GALNT16: variants seen among roughly 807,000 people sequenced by gnomAD.
The protein encoded by GALNT16 is UDP-GalNAc:polypeptide N-acetylgalactosaminyltransferase-like protein 1.
In GALNT16, 40 loss-of-function variants were observed where a neutral mutation model predicts 76.1. That is an observed-to-expected ratio of 0.53 (90% CI 0.41 to 0.68). GALNT16 has a LOEUF of 0.68. GALNT16 is among the 30% of genes least tolerant of loss of function. The pLI is 0.00. For missense variants in GALNT16, 621 were observed against 731.9 expected (o/e 0.85, Z 1.75); for synonymous variants, 276 against 285.2 (o/e 0.97, Z 0.32).
At chr14:69,311,170 G>C (rs1226260984) in intron 1 of GALNT16, among the ~76,000 whole-genome samples, 1 of 152,164 alleles carries the variant, frequency 6.6e-6, no homozygotes, top group Non-Finnish European at 1.5e-5. Context: ...CCAAGATCAA[G>C]GCACCAGCAG....
chr14:69,331,595 G>A, intron 7 of GALNT16, 44 bp downstream of exon 7: 2 of 1,146,302 alleles, frequency 1.7e-6, no homozygotes, highest in Non-Finnish European at 2.7e-6. Context: ...ATGAAAGGAG[G>A]TAGGTGAGGC....
intron 1 of GALNT16, 30 bp downstream of exon 1, chr14:69,260,497 G>T: frequency 7.5e-7 from 1 of 1,338,108 alleles, no homozygotes; most frequent in Non-Finnish European, 9.5e-7. Context: ...CGGCCGGCCG[G>T]CTAGGGAGCC....
At chr14:69,262,819 C>T (rs1356654125) in intron 1 of GALNT16, among the ~76,000 whole-genome samples, 3 of 152,106 alleles carry the variant, frequency 2.0e-5, no homozygotes, top group Non-Finnish European at 2.9e-5. Context: ...GTGATGCATG[C>T]GGGAACTGTG....
At position 69,260,232 on chromosome 14, in the gene GALNT16, G is replaced by T; in HGVS notation, c.-59G>T. The stretch of plus-strand genomic sequence containing the variant: ...AACAGCTGGGGCTGCGAGCGCCCCC[G>T]CCCCGGCCCCGAGAGCACGCCGGCC... On this transcript the variant is annotated 5_prime_UTR_variant, in exon 1 of 15. Transcript: ENST00000448469. 8.1e-7 allele frequency: 1 copy of T among 1,237,644 alleles called. No homozygotes were observed. Among genetic ancestry groups the T allele is most frequent in the Non-Finnish European group, 1.1e-6 (1 of 907,042 alleles). 76.7% of individuals were successfully genotyped at this position (1,237,644 alleles called of 1,614,324 possible). A position where few individuals can be genotyped will look rare whatever the true frequency, so the allele number is the denominator to read the frequency against.
At chr14:69,310,158 G>T (rs556310290) in intron 1 of GALNT16, among the ~76,000 whole-genome samples, 1 of 151,996 alleles carries the variant, frequency 6.6e-6, no homozygotes, top group East Asian at 1.9e-4. Context: ...AAGACTACAG[G>T]TACTACTAGT....
At chr14:69,329,066 T>C (rs1368856537) in intron 6 of GALNT16, among the ~76,000 whole-genome samples, 2 of 152,074 alleles carry the variant, frequency 1.3e-5, no homozygotes, top group African/African-American at 4.8e-5. Flanking sequence ...AATTTAAAAA[T>C]TGGCAAAGGG....
At chr14:69,363,411 C>T in the GALNT16 span, among the ~76,000 whole-genome samples, 2 of 152,236 alleles carry the variant, frequency 1.3e-5, no homozygotes, top group Non-Finnish European at 2.9e-5. Context: ...AGAGTTGAAG[C>T]CTTTCCCTTC....
intron 2 of GALNT16, among the ~76,000 whole-genome samples, chr14:69,323,846 A>G (rs1163199785): frequency 6.6e-6 from 1 of 152,164 alleles, no homozygotes; most frequent in African/African-American, 2.4e-5. Context: ...CAATGAAAAA[A>G]CGGGCACTGG....
chr14:69,344,981 A>G (rs2045542838), intron 12 of GALNT16, among the ~76,000 whole-genome samples: 1 of 152,158 alleles, frequency 6.6e-6, no homozygotes, highest in African/African-American at 2.4e-5. Context: ...CAATAAGTCA[A>G]ATGGGTAAGG....
intron 6 of GALNT16, among the ~76,000 whole-genome samples, chr14:69,329,976 T>C (rs2045332701): frequency 6.6e-6 from 1 of 152,142 alleles, no homozygotes; most frequent in African/African-American, 2.4e-5. Flanking sequence ...AGCCTTCATA[T>C]ATTGCTGGCA....
At chr14:69,330,614 C>T (rs2045340726) in intron 6 of GALNT16, among the ~76,000 whole-genome samples, 2 of 152,186 alleles carry the variant, frequency 1.3e-5, no homozygotes, top group South Asian at 2.1e-4. Context: ...CCCGGGCTTC[C>T]GTTATCCTGA....
At chr14:69,278,112 A>G (rs1475324776) in intron 1 of GALNT16, among the ~76,000 whole-genome samples, 1 of 151,196 alleles carries the variant, frequency 6.6e-6, no homozygotes, top group African/African-American at 2.4e-5. Context: ...GGGCTCAAGT[A>G]TCTACCCACC....
chr14:69,361,844 T>TA (rs1192912248), downstream of GALNT16, among the ~76,000 whole-genome samples: 2 of 151,948 alleles, frequency 1.3e-5, no homozygotes, highest in East Asian at 3.9e-4. Context: ...CCGTCTCTAC[T>TA]AAAAAAACAA....
chr14:69,314,105 T>C (rs2045066979), intron 1 of GALNT16, among the ~76,000 whole-genome samples: 1 of 152,226 alleles, frequency 6.6e-6, no homozygotes. Context: ...ACATCAGGCT[T>C]TTTGCCATCT....
intron 1 of GALNT16, among the ~76,000 whole-genome samples, chr14:69,310,781 G>A (rs1303030066): frequency 3.9e-5 from 6 of 152,112 alleles, no homozygotes; most frequent in African/African-American, 1.4e-4. Context: ...TGGGTGCGGT[G>A]GCTCACACCT....
At chr14:69,296,366 A>G (rs2044759698) in intron 1 of GALNT16, among the ~76,000 whole-genome samples, 1 of 152,190 alleles carries the variant, frequency 6.6e-6, no homozygotes, top group Non-Finnish European at 1.5e-5. Context: ...GGGAACGCAG[A>G]GCCAAACCAC....
intron 3 of GALNT16, 57 bp downstream of exon 3, chr14:69,324,847 A>C: frequency 2.5e-6 from 3 of 1,185,382 alleles, no homozygotes; most frequent in Non-Finnish European, 3.6e-6. Context: ...GGACATTGGG[A>C]TTGGGCGCTG....
intron 1 of GALNT16, among the ~76,000 whole-genome samples, chr14:69,271,376 G>C (rs2044405784): frequency 6.6e-6 from 1 of 152,198 alleles, no homozygotes; most frequent in Admixed American, 6.5e-5. Context: ...AGGCCAACCA[G>C]AGAGCCCAAG....
chr14:69,330,315 G>C (rs1022651432), intron 6 of GALNT16, among the ~76,000 whole-genome samples: 3 of 152,216 alleles, frequency 2.0e-5, no homozygotes, highest in African/African-American at 7.2e-5. Flanking sequence ...GTGAAAGCCA[G>C]TCACGAAAAG....
Sources: gnomAD v4.1 joint callset for allele counts (sites outside exome capture counted in the v4.1 genomes callset) on GRCh38, gnomAD v4.1.1 for gene constraint, MANE v1.5 for transcripts, NCBI Gene and HGNC (gene_info 2026-07-23, HGNC 2026-07-21) for gene names.